Variants in CASK observed in about 807,000 individuals in gnomAD.
CASK encodes the protein calcium/calmodulin dependent serine protein kinase, also known as peripheral plasma membrane protein CASK.
A neutral mutation model predicts 82.9 loss-of-function variants in CASK; 4 were observed. The observed-to-expected ratio is 0.05, with a 90% confidence interval of 0.02 to 0.11. CASK has a LOEUF of 0.11. Among genes scored for constraint, CASK ranks in the 10% least tolerant of loss-of-function variants. The pLI is 1.00. For synonymous variants in CASK, 259 were observed against 253.5 expected (o/e 1.02, Z -0.20); for missense variants, 358 against 720.9 (o/e 0.50, Z 5.76).
In CASK at chrX:41,557,033, G is replaced by A. The variant is rs868537608; in HGVS notation, c.1805C>T (p.Ser602Leu). 5 of 1,204,749 alleles carry A rather than the reference G, an allele frequency of 4.2e-6. No individual in the cohort carries two copies. Among genetic ancestry groups the A allele is most frequent in the Admixed American group, 4.4e-5 (2 of 45,727 alleles). Residue 602 changes from serine to leucine, a missense_variant and splice_region_variant, in exon 19 of 27, where the codon TCG (serine) becomes TTG (leucine). By Grantham distance (145) the Ser-to-Leu change is moderately radical. Around this residue, in one of 5 missense-constraint regions of CASK, gnomAD observed 41 missense variants for 39.4 expected, o/e 1.04. Transcript: ENST00000378163. The stretch of plus-strand genomic sequence containing the variant: ...GCTGTGTGGAGCTAAAGTTCTTACC[G>A]AAACAGAATTGTTAGTGCTGCTATG... ...NGHSSTNNSVSDLPSTTQPKG... is the reference protein window; with the variant it reads ...NGHSSTNNSVLDLPSTTQPKG...
At chrX:41,659,393 A>G (rs933481685) in intron 8 of CASK, among the ~76,000 whole-genome samples, 13 of 109,740 alleles carry the variant, frequency 1.2e-4, no homozygotes, top group Non-Finnish European at 5.7e-5. Context: ...ACGCTAGGCT[A>G]ATTTTTGTAC....
chrX:41,798,062 G>A (rs991868200), intron 2 of CASK, among the ~76,000 whole-genome samples: 19 of 111,616 alleles, frequency 1.7e-4, no homozygotes, highest in East Asian at 2.8e-4. Flanking sequence ...TAAATTACAC[G>A]TCCCCAAAAA....
chrX:41,688,359 T>C (rs1042057923), intron 5 of CASK, among the ~76,000 whole-genome samples: 1 of 112,009 alleles, frequency 8.9e-6, no homozygotes, highest in Non-Finnish European at 1.9e-5. Context: ...AACACTAAAC[T>C]GCAGGGCCAG....
intron 5 of CASK, among the ~76,000 whole-genome samples, chrX:41,680,706 G>A (rs1230473111): frequency 9.2e-6 from 1 of 108,996 alleles, no homozygotes; most frequent in East Asian, 2.9e-4. Context: ...ATCACCTGTC[G>A]GGAGTTCAAG....
At chrX:41,570,010 C>CTTTTTTTTTTTTTTTTTTTTTTTTTTTTT (rs397937722) in intron 15 of CASK, among the ~76,000 whole-genome samples, 2 of 70,628 alleles carry the variant, frequency 2.8e-5, no homozygotes, top group Admixed American at 2.1e-4. Context: ...TTTCTTTTTT[C>CTTTTTTTTTTTTTTTTTTTTTTTTTTTTT]TTTTTTTTTT....
intron 12 of CASK, among the ~76,000 whole-genome samples, chrX:41,604,466 G>A (rs1436336560): frequency 9.3e-6 from 1 of 107,531 alleles, no homozygotes. Flanking sequence ...GGAATGACAA[G>A]GATTGCAGGC....
chrX:41,873,306 AAGAGAG>A (rs1262905309), intron 1 of CASK, among the ~76,000 whole-genome samples: 1 of 105,517 alleles, frequency 9.5e-6, no homozygotes, highest in African/African-American at 3.5e-5. Flanking sequence ...AAAAAAAAAA[AAGAGAG>A]AGAGAGAGAG....
At chrX:41,814,224 CCAACCATCCCATT>C in intron 2 of CASK, among the ~76,000 whole-genome samples, 1 of 111,537 alleles carries the variant, frequency 9.0e-6, no homozygotes, top group Non-Finnish European at 1.9e-5. Flanking sequence ...ACCATTTGAC[CCAACCATCCCATT>C]ACTGGGTATA....
intron 3 of CASK, among the ~76,000 whole-genome samples, chrX:41,772,769 G>A (rs1397530192): frequency 5.4e-5 from 6 of 111,246 alleles, no homozygotes; most frequent in African/African-American, 1.6e-4. Flanking sequence ...GGAGGCCGAG[G>A]CGGGCGGATC....
intron 16 of CASK, 90 bp from the exon 17 acceptor site, chrX:41,561,734 A>T: frequency 1.4e-6 from 1 of 690,345 alleles, no homozygotes; most frequent in South Asian, 2.5e-5. Flanking sequence ...TTTAAAAACT[A>T]AGTTGAATAT....
chrX:41,742,940 A>T (rs2068619286), intron 4 of CASK, among the ~76,000 whole-genome samples: 1 of 112,124 alleles, frequency 8.9e-6, no homozygotes, highest in Non-Finnish European at 1.9e-5. Context: ...TCCACTCTGG[A>T]AAGTTCCTTT....
intron 1 of CASK, among the ~76,000 whole-genome samples, chrX:41,885,925 A>G (rs1000711604): frequency 1.8e-5 from 2 of 112,441 alleles, no homozygotes; most frequent in African/African-American, 3.2e-5. Context: ...TAGTTTCATT[A>G]TGGTGAAGGG....
intron 3 of CASK, among the ~76,000 whole-genome samples, chrX:41,770,140 A>G (rs1602595403): frequency 9.0e-6 from 1 of 111,160 alleles, no homozygotes; most frequent in East Asian, 2.8e-4. Flanking sequence ...TACTGAGATT[A>G]TCCAGCACAG....
intron 1 of CASK, among the ~76,000 whole-genome samples, chrX:41,854,283 T>A (rs2071333001): frequency 9.3e-6 from 1 of 107,169 alleles, no homozygotes; most frequent in African/African-American, 3.4e-5. Context: ...CGGTTCCCTG[T>A]GGTTACCAGT....
chrX:41,631,418 C>T (rs1044290007), intron 9 of CASK, among the ~76,000 whole-genome samples: 1 of 111,362 alleles, frequency 9.0e-6, no homozygotes, highest in African/African-American at 3.3e-5. Context: ...CAGAGTGAGA[C>T]CCTGTCTCAA....
intron 3 of CASK, among the ~76,000 whole-genome samples, chrX:41,783,929 C>T (rs773910414): frequency 1.8e-5 from 2 of 111,975 alleles, no homozygotes; most frequent in South Asian, 7.5e-4. Flanking sequence ...GAAACGAATA[C>T]ATTCGTGGAT....
intron 21 of CASK, among the ~76,000 whole-genome samples, chrX:41,553,362 T>C (rs755714850): frequency 3.6e-5 from 4 of 111,721 alleles, no homozygotes; most frequent in South Asian, 3.8e-4. Flanking sequence ...CATGAAAGCA[T>C]GTAGAAGGGC....
intron 8 of CASK, among the ~76,000 whole-genome samples, chrX:41,641,465 G>A (rs1412389302): frequency 9.0e-6 from 1 of 111,565 alleles, no homozygotes; most frequent in African/African-American, 3.3e-5. Context: ...TAGAGGGTGT[G>A]AGAAGAGCTC....
chrX:41,653,898 C>G (rs1184762830), intron 8 of CASK, among the ~76,000 whole-genome samples: 1 of 112,176 alleles, frequency 8.9e-6, no homozygotes. Context: ...GATCCAGACA[C>G]ACAGGGAGTT....
Sources: gnomAD v4.1 joint callset for allele counts (sites outside exome capture counted in the v4.1 genomes callset) on GRCh38, gnomAD v4.1.1 for gene constraint, gnomAD v4.1.1 regional missense constraint, MANE v1.5 for transcripts, NCBI Gene and HGNC (gene_info 2026-07-23, HGNC 2026-07-21) for gene names.